The following RBFOX3 variants were observed in gnomAD, a reference collection of about 807,000 sequenced individuals.
RBFOX3 encodes the protein RNA binding fox-1 homolog 3.
In RBFOX3, 17 loss-of-function variants were observed where a neutral mutation model predicts 48.7. The ratio of observed to expected loss-of-function variants is 0.35; its 90% CI spans 0.24 to 0.52. The LOEUF (loss-of-function observed/expected upper bound fraction) is 0.52, where lower values mean the gene tolerates loss of function less well. Ranked by LOEUF, RBFOX3 falls within the 20% of genes least tolerant of loss-of-function variation. RBFOX3 has a pLI of 0.94. For missense variants in RBFOX3, 382 were observed against 497.5 expected (o/e 0.77, Z 2.21); for synonymous variants, 212 against 209.5 (o/e 1.01, Z -0.10).
At position 79,154,108 on chromosome 17, in the gene RBFOX3, C is replaced by CCCCT. The variant is rs373723202; in HGVS notation, c.-33-38364_-33-38361dup. Among the ~76,000 whole-genome samples the CCCCT allele has an allele frequency of 4.8e-5, 7 of 146,848 alleles. No homozygotes were observed. In the East Asian group the frequency reaches 6.4e-4, roughly 13 times the overall value. ...CCCCGGCCCCCAAGGCTCTGCTGGT[C>CCCCT]CCCTCCCTCCCTCCCTCCCTGTCCA... On this transcript the variant is annotated intron_variant, in intron 4 of 14. Coordinates refer to ENST00000693108, the MANE Select transcript of RBFOX3 (RefSeq NM_001350451.2).
intron 2 of RBFOX3, among the ~76,000 whole-genome samples, chr17:79,385,063 G>C (rs1036776077): frequency 6.6e-6 from 1 of 152,242 alleles, no homozygotes; most frequent in Non-Finnish European, 1.5e-5. Context: ...GCCCCTGCCA[G>C]GCCCTTGCAA....
intron 2 of RBFOX3, among the ~76,000 whole-genome samples, chr17:79,440,706 T>C (rs1028061): frequency 0.99 from 150,325 of 151,864 alleles, 74,414 homozygotes; most frequent in East Asian, 1. Flanking sequence ...CTTTGCCCTA[T>C]GGCTCTAGTT....
At position 79,103,437 on chromosome 17, in the gene RBFOX3, C is replaced by A. The variant is rs1000655809; in HGVS notation, c.415-183G>T. Among the ~76,000 whole-genome samples, 2 of 152,074 alleles carry A rather than the reference C, an allele frequency of 1.3e-5. No homozygotes were observed. Among genetic ancestry groups the A allele is most frequent in the South Asian group, 2.1e-4 (1 of 4,828 alleles). The stretch of plus-strand genomic sequence containing the variant: ...GCCCAGAGGTCTGTCCTAGGGCCAC[C>A]GGCAGGATGCCAGGAGGGGTATGGG... On this transcript the variant is annotated intron_variant, in intron 7 of 14. Transcript: ENST00000693108. The surrounding 1 kb of genome is among the most constrained non-coding windows in gnomAD (Gnocchi z 6.1).
At chr17:79,425,056 G>C (rs1431000531) in intron 2 of RBFOX3, among the ~76,000 whole-genome samples, 2 of 152,108 alleles carry the variant, frequency 1.3e-5, no homozygotes, top group Admixed American at 6.5e-5. Context: ...CCTGGTTTTA[G>C]AAAATAAAAT....
chr17:79,442,363 GAGAGAGAGAGAGAGAGA>G (rs1266024330), intron 2 of RBFOX3, among the ~76,000 whole-genome samples: 8 of 6,480 alleles, frequency 1.2e-3, no homozygotes, highest in African/African-American at 7.9e-3. Context: ...AAGAGGGGGG[GAGAGAGAGAGAGAGAGA>G]GAGAGAGAGA....
intron 2 of RBFOX3, among the ~76,000 whole-genome samples, chr17:79,354,524 G>A (rs980894820): frequency 1.3e-5 from 2 of 152,374 alleles, no homozygotes; most frequent in Middle Eastern, 3.4e-3. Flanking sequence ...CAGTCTTGGC[G>A]TTTTCAACAT....
intron 1 of RBFOX3, among the ~76,000 whole-genome samples, chr17:79,499,909 T>C (rs1389696974): frequency 2.6e-5 from 4 of 152,242 alleles, no homozygotes; most frequent in East Asian, 1.9e-4. Context: ...CCCTTTGCCA[T>C]GCGATTTTGC....
At chr17:79,544,740 T>A (rs2090165649) in intron 1 of RBFOX3, among the ~76,000 whole-genome samples, 1 of 151,772 alleles carries the variant, frequency 6.6e-6, no homozygotes, top group African/African-American at 2.4e-5. Flanking sequence ...AGCCGCCTCC[T>A]CGAAGCTCTT....
intron 1 of RBFOX3, among the ~76,000 whole-genome samples, chr17:79,528,631 T>C (rs2087183632): frequency 6.6e-6 from 1 of 151,956 alleles, no homozygotes; most frequent in African/African-American, 2.4e-5. Context: ...ACATCCAATA[T>C]AACTGGTGTT....
At chr17:79,270,833 C>T (rs2067538506) in intron 3 of RBFOX3, among the ~76,000 whole-genome samples, 1 of 152,258 alleles carries the variant, frequency 6.6e-6, no homozygotes, top group African/African-American at 2.4e-5. Context: ...CAATACCTTG[C>T]ACAGAGCATG....
At chr17:79,540,874 C>T (rs532927314) in intron 1 of RBFOX3, among the ~76,000 whole-genome samples, 3 of 152,192 alleles carry the variant, frequency 2.0e-5, no homozygotes, top group Non-Finnish European at 2.9e-5. Context: ...CTACTTCAAC[C>T]GGACACTTCA....
intron 4 of RBFOX3, among the ~76,000 whole-genome samples, chr17:79,142,374 G>T (rs992183223): frequency 6.6e-6 from 1 of 152,170 alleles, no homozygotes; most frequent in African/African-American, 2.4e-5. Context: ...AGATTAAACT[G>T]AAAAATCAAT....
At chr17:79,341,190 G>A (rs1262203957) in intron 2 of RBFOX3, among the ~76,000 whole-genome samples, 2 of 152,220 alleles carry the variant, frequency 1.3e-5, no homozygotes, top group East Asian at 1.9e-4. Flanking sequence ...CTGTAGGCGT[G>A]GGTGTGTGCA....
At chr17:79,466,750 G>A (rs1673125631) in intron 2 of RBFOX3, among the ~76,000 whole-genome samples, 1 of 152,156 alleles carries the variant, frequency 6.6e-6, no homozygotes, top group Non-Finnish European at 1.5e-5. Flanking sequence ...TGGTTGCTAT[G>A]GGGCCCAGTG....
At chr17:79,336,842 G>A (rs1234181431) in intron 2 of RBFOX3, among the ~76,000 whole-genome samples, 1 of 152,222 alleles carries the variant, frequency 6.6e-6, no homozygotes, top group South Asian at 2.1e-4. Flanking sequence ...GAAGTGGGCC[G>A]GGTGAGGTGG....
At chr17:79,096,088 T>G (rs544844676) in intron 12 of RBFOX3, among the ~76,000 whole-genome samples, 22 of 152,280 alleles carry the variant, frequency 1.4e-4, no homozygotes, top group African/African-American at 5.1e-4. Context: ...TGTCCTGGCC[T>G]CAAATGGGCA....
chr17:79,280,399 C>T (rs1017854780), intron 3 of RBFOX3, among the ~76,000 whole-genome samples: 4 of 152,176 alleles, frequency 2.6e-5, no homozygotes, highest in Non-Finnish European at 4.4e-5. Context: ...ATGGAGAAGA[C>T]ACACAGAGGG....
At chr17:79,097,629 C>T in intron 10 of RBFOX3, 63 bp downstream of exon 10, 1 of 1,413,942 alleles carries the variant, frequency 7.1e-7, no homozygotes, top group Non-Finnish European at 9.7e-7. Context: ...CCCCAGAGCC[C>T]CCGGAGCCCC....
intron 4 of RBFOX3, among the ~76,000 whole-genome samples, chr17:79,156,595 T>C (rs1221573938): frequency 6.6e-6 from 1 of 152,210 alleles, no homozygotes; most frequent in Non-Finnish European, 1.5e-5. Flanking sequence ...GGGCCAAATC[T>C]GGCCCGCTGC....
Sources: gnomAD v4.1 joint callset for allele counts (sites outside exome capture counted in the v4.1 genomes callset) on GRCh38, gnomAD v4.1.1 for gene constraint, Gnocchi (gnomAD v3.1) non-coding constraint, MANE v1.5 for transcripts, NCBI Gene and HGNC (gene_info 2026-07-23, HGNC 2026-07-21) for gene names.